PTPRD: variants seen among roughly 807,000 people sequenced by gnomAD.
The protein encoded by PTPRD is protein tyrosine phosphatase receptor type D.
A neutral mutation model predicts 214.5 loss-of-function variants in PTPRD; 34 were observed. The ratio of observed to expected loss-of-function variants is 0.16; its 90% CI spans 0.12 to 0.21. The LOEUF is 0.21. Ranked by LOEUF, PTPRD falls within the 10% of genes least tolerant of loss-of-function variation. The pLI, the probability that PTPRD is intolerant of heterozygous loss-of-function variation, is 1.00. For synonymous variants in PTPRD, 1,128 were observed against 845.7 expected, an observed-to-expected ratio of 1.33 and a Z score of -5.79; for missense variants, 2,545 against 2,398.7, an observed-to-expected ratio of 1.06 and a Z score of -1.27.
intron 10 of PTPRD, among the ~76,000 whole-genome samples, chr9:9,075,239 AC>A (rs1334720106): frequency 1.3e-5 from 2 of 152,126 alleles, no homozygotes; most frequent in African/African-American, 4.8e-5. Context: ...CATAATAATT[AC>A]AACAGGGTAA....
intron 3 of PTPRD, among the ~76,000 whole-genome samples, chr9:10,105,728 A>G (rs1471548305): frequency 3.9e-5 from 6 of 151,978 alleles, no homozygotes; most frequent in Non-Finnish European, 7.4e-5. Context: ...ATTATTGTAT[A>G]TAAGAAGCTT....
intron 3 of PTPRD, among the ~76,000 whole-genome samples, chr9:10,132,248 G>C (rs1487770083): frequency 2.0e-5 from 3 of 151,982 alleles, no homozygotes; most frequent in Non-Finnish European, 4.4e-5. Context: ...AAGTTTCCTT[G>C]TACCAAATGT....
At chr9:9,391,931 A>G (rs2065977822) in intron 9 of PTPRD, among the ~76,000 whole-genome samples, 1 of 152,170 alleles carries the variant, frequency 6.6e-6, no homozygotes, top group South Asian at 2.1e-4. Flanking sequence ...AGTGGTAATC[A>G]TATTGAGTTC....
intron 7 of PTPRD, among the ~76,000 whole-genome samples, chr9:9,646,314 T>G (rs575502980): frequency 2.0e-4 from 29 of 141,956 alleles, no homozygotes; most frequent in African/African-American, 5.9e-4. Flanking sequence ...TGTGTGTGTG[T>G]GTGGGTGTGT....
chr9:8,821,397 G>A (rs910214569), intron 11 of PTPRD, among the ~76,000 whole-genome samples: 1 of 152,166 alleles, frequency 6.6e-6, no homozygotes, highest in African/African-American at 2.4e-5. Context: ...TCTACCCCAC[G>A]CATCACTCAC....
At chr9:9,595,515 T>C (rs528969114) in intron 7 of PTPRD, among the ~76,000 whole-genome samples, 1 of 147,064 alleles carries the variant, frequency 6.8e-6, no homozygotes, top group African/African-American at 2.5e-5. Flanking sequence ...CACATATGCA[T>C]ACATATATAC....
intron 3 of PTPRD, among the ~76,000 whole-genome samples, chr9:10,034,728 A>G (rs971191255): frequency 6.6e-6 from 1 of 152,110 alleles, no homozygotes; most frequent in Non-Finnish European, 1.5e-5. Flanking sequence ...CTCCGGCTGC[A>G]TCCAACAAAG....
At chr9:8,793,047 T>C (rs1359358457) in intron 11 of PTPRD, among the ~76,000 whole-genome samples, 1 of 152,180 alleles carries the variant, frequency 6.6e-6, no homozygotes, top group African/African-American at 2.4e-5. Flanking sequence ...TGTAAGGTCC[T>C]GTAGCGCTTT....
Position 10,210,652 on chromosome 9 carries a change from C to T in PTPRD, c.-545+130311G>A, listed in dbSNP as rs549096502. 1.8e-4 allele frequency among the ~76,000 whole-genome samples: 27 copies of T among 149,874 alleles called. No homozygotes were observed. In the Middle Eastern group the frequency reaches 0.014, roughly 78 times the overall value. On this transcript the variant is annotated intron_variant, in intron 3 of 45. Transcript: ENST00000381196. ...TAATCTGTATATATACATATATATA[C>T]ACACATATGTTTATATATGTATATG...
chr9:8,904,573 G>C (rs2098694365), intron 11 of PTPRD, among the ~76,000 whole-genome samples: 1 of 151,664 alleles, frequency 6.6e-6, no homozygotes, highest in African/African-American at 2.4e-5. Context: ...TCTGGAGGCT[G>C]AGGCATGGGA....
At chr9:10,428,315 A>G (rs987087449) in intron 2 of PTPRD, among the ~76,000 whole-genome samples, 4 of 152,084 alleles carry the variant, frequency 2.6e-5, no homozygotes, top group African/African-American at 9.7e-5. Flanking sequence ...TTGGGGGAAA[A>G]AAAATCATAT....
intron 45 of PTPRD, 77 bp from the exon 46 acceptor site, chr9:8,318,019 T>C (rs1023781924): frequency 6.9e-6 from 9 of 1,307,628 alleles, no homozygotes; most frequent in African/African-American, 1.9e-5. Context: ...AAAATCAATA[T>C]TGCATAACAA....
intron 14 of PTPRD, among the ~76,000 whole-genome samples, chr9:8,548,178 T>C (rs1047703333): frequency 5.9e-5 from 9 of 152,206 alleles, no homozygotes; most frequent in Middle Eastern, 3.4e-3. Context: ...CCAGGAAAGA[T>C]TAAATAAGTG....
At chr9:8,563,098 A>G (rs2087125859) in intron 14 of PTPRD, among the ~76,000 whole-genome samples, 1 of 152,236 alleles carries the variant, frequency 6.6e-6, no homozygotes, top group South Asian at 2.1e-4. Context: ...GAGTGAATAT[A>G]GAAATAATAA....
At chr9:9,710,279 T>C (rs1041424606) in intron 7 of PTPRD, among the ~76,000 whole-genome samples, 4 of 152,088 alleles carry the variant, frequency 2.6e-5, no homozygotes, top group Non-Finnish European at 4.4e-5. Flanking sequence ...CTAATTTACA[T>C]AGCTAATCCA....
intron 8 of PTPRD, among the ~76,000 whole-genome samples, chr9:9,459,644 T>C (rs1460430071): frequency 1.3e-5 from 2 of 151,952 alleles, no homozygotes; most frequent in Admixed American, 1.3e-4. Context: ...ACCAAAAAGG[T>C]GAAAGACCTC....
At chr9:10,161,843 T>C (rs757789783) in intron 3 of PTPRD, among the ~76,000 whole-genome samples, 6 of 151,646 alleles carry the variant, frequency 4.0e-5, no homozygotes, top group Admixed American at 2.6e-4. Flanking sequence ...AATGGCTCAA[T>C]AGCAAAAAGA....
At chr9:8,460,671 T>G in intron 32 of PTPRD, 100 bp from the exon 33 acceptor site, 1 of 1,192,400 alleles carries the variant, frequency 8.4e-7, no homozygotes, top group Non-Finnish European at 1.2e-6. Flanking sequence ...ATAGTGGATT[T>G]AATGATAAGT....
At chr9:8,395,070 T>G (rs1391839935) in intron 36 of PTPRD, among the ~76,000 whole-genome samples, 1 of 152,148 alleles carries the variant, frequency 6.6e-6, no homozygotes, top group African/African-American at 2.4e-5. Context: ...ACTCACAATT[T>G]GGCTTCAAAT....
Sources: gnomAD v4.1 joint callset for allele counts (sites outside exome capture counted in the v4.1 genomes callset) on GRCh38, gnomAD v4.1.1 for gene constraint, MANE v1.5 for transcripts, NCBI Gene and HGNC (gene_info 2026-07-23, HGNC 2026-07-21) for gene names.